SHISA9: variants seen among roughly 807,000 people sequenced by gnomAD.
SHISA9 encodes protein shisa-9.
SHISA9 carries 13 observed loss-of-function variants against 38.0 expected under a neutral mutation model. The observed-to-expected ratio is 0.34, with a 90% confidence interval of 0.22 to 0.54. The LOEUF (loss-of-function observed/expected upper bound fraction) is 0.54, where lower values mean the gene tolerates loss of function less well. SHISA9 is among the 20% of genes least tolerant of loss of function. SHISA9 has a pLI of 0.91. For missense variants in SHISA9, 538 were observed against 575.8 expected, an observed-to-expected ratio of 0.93 and a Z score of 0.67; for synonymous variants, 275 against 242.0, an observed-to-expected ratio of 1.14 and a Z score of -1.27.
chr16:13,060,736 G>A (rs988919188), intron 2 of SHISA9, among the ~76,000 whole-genome samples: 4 of 151,628 alleles, frequency 2.6e-5, no homozygotes, highest in African/African-American at 4.9e-5. Context: ...GAAGAGCCAC[G>A]AGCCTCTGGT....
the SHISA9 span, among the ~76,000 whole-genome samples, chr16:13,344,244 G>GTGAGGT: frequency 2.0e-5 from 3 of 152,224 alleles, no homozygotes. Context: ...GAGGGTGAGG[G>GTGAGGT]TGGAGAGTGA....
the SHISA9 span, among the ~76,000 whole-genome samples, chr16:13,327,490 C>G: frequency 6.6e-6 from 1 of 151,960 alleles, no homozygotes; most frequent in Non-Finnish European, 1.5e-5. Flanking sequence ...GTGTTGTGCA[C>G]CTGTAATCCC....
At chr16:13,106,515 A>C (rs1024713509) in intron 2 of SHISA9, among the ~76,000 whole-genome samples, 1 of 152,132 alleles carries the variant, frequency 6.6e-6, no homozygotes, top group Non-Finnish European at 1.5e-5. Flanking sequence ...TGCATACCAG[A>C]TGTGGTACAC....
chr16:13,290,712 T>C, the SHISA9 span, among the ~76,000 whole-genome samples: 1 of 152,124 alleles, frequency 6.6e-6, no homozygotes, highest in African/African-American at 2.4e-5. Context: ...GTAAAATCCT[T>C]GGGCTCCTAC....
chr16:13,328,623 CACACACACACACATAT>C, the SHISA9 span, among the ~76,000 whole-genome samples: 3 of 124,298 alleles, frequency 2.4e-5, no homozygotes, highest in South Asian at 3.3e-4. Flanking sequence ...CACACACACA[CACACACACACACATAT>C]ATATTGTATT....
At chr16:13,520,997 A>G in the SHISA9 span, among the ~76,000 whole-genome samples, 2 of 152,212 alleles carry the variant, frequency 1.3e-5, no homozygotes, top group Admixed American at 6.5e-5. Flanking sequence ...GAGAACACTC[A>G]GAATACACTC....
rs566731667 is a variant in SHISA9 at position 13,116,044 on chromosome 16, C to A, written c.692-87350C>A. On this transcript the variant is annotated intron_variant, in intron 2 of 4. Transcript: ENST00000558583. The stretch of plus-strand genomic sequence containing the variant: ...AATTCTTCATTCTGCCTTATGATTG[C>A]GATTATATCTGTAGTGTTATCCATG... 2.0e-5 allele frequency among the ~76,000 whole-genome samples: 3 copies of A among 152,244 alleles called. No individual in the cohort carries two copies. The East Asian group carries it at 5.8e-4, about 29-fold the overall frequency.
chr16:13,157,638 T>C (rs1322208447), intron 2 of SHISA9, among the ~76,000 whole-genome samples: 1 of 152,220 alleles, frequency 6.6e-6, no homozygotes, highest in Non-Finnish European at 1.5e-5. Flanking sequence ...CAGGCAGACC[T>C]GGGCAGCTAG....
At chr16:12,904,177 T>C (rs2071062274) in intron 1 of SHISA9, among the ~76,000 whole-genome samples, 1 of 152,050 alleles carries the variant, frequency 6.6e-6, no homozygotes, top group Non-Finnish European at 1.5e-5. Flanking sequence ...CCCTGTTAAT[T>C]CCCCGGGTCT....
At chr16:13,042,984 G>C (rs1368789657) in intron 2 of SHISA9, among the ~76,000 whole-genome samples, 2 of 152,108 alleles carry the variant, frequency 1.3e-5, no homozygotes, top group South Asian at 2.1e-4. Context: ...GATAAACCCT[G>C]GAGTTTCAGG....
chr16:13,218,197 G>A (rs1402460602), intron 4 of SHISA9, among the ~76,000 whole-genome samples: 1 of 152,198 alleles, frequency 6.6e-6, no homozygotes, highest in Non-Finnish European at 1.5e-5. Context: ...TCAAAGAGGG[G>A]CTTGAGGACT....
At chr16:13,126,485 G>A (rs891317423) in intron 2 of SHISA9, among the ~76,000 whole-genome samples, 1 of 149,894 alleles carries the variant, frequency 6.7e-6, no homozygotes, top group African/African-American at 2.5e-5. Context: ...AAGGAAGGAT[G>A]AGAGAGAAAG....
chr16:12,947,491 C>T (rs12447911), intron 2 of SHISA9, among the ~76,000 whole-genome samples: 3,353 of 152,264 alleles, frequency 0.022, 38 homozygotes, highest in African/African-American at 0.029. Flanking sequence ...GTAAAGCACA[C>T]GCTTTGCCTT....
chr16:12,920,000 G>A (rs1255751972), intron 2 of SHISA9, among the ~76,000 whole-genome samples: 2 of 152,298 alleles, frequency 1.3e-5, no homozygotes, highest in East Asian at 3.9e-4. Context: ...TTCCCTGACT[G>A]CCAGTGACAC....
intron 2 of SHISA9, among the ~76,000 whole-genome samples, chr16:13,156,304 G>A (rs2050546223): frequency 6.6e-6 from 1 of 152,180 alleles, no homozygotes; most frequent in Non-Finnish European, 1.5e-5. Context: ...GGTGGTACTT[G>A]CCAGCATGCT....
intron 2 of SHISA9, among the ~76,000 whole-genome samples, chr16:13,097,599 T>A (rs900382371): frequency 3.3e-5 from 5 of 152,170 alleles, no homozygotes; most frequent in African/African-American, 1.2e-4. Flanking sequence ...AGATGGGGTC[T>A]TACTATGTTA....
the SHISA9 span, among the ~76,000 whole-genome samples, chr16:13,359,963 G>C: frequency 1.3e-5 from 2 of 152,214 alleles, no homozygotes; most frequent in Non-Finnish European, 2.9e-5. Context: ...AGTTTCATCT[G>C]TGCATGCCCC....
At chr16:13,131,008 GT>G (rs943180909) in intron 2 of SHISA9, among the ~76,000 whole-genome samples, 1 of 152,158 alleles carries the variant, frequency 6.6e-6, no homozygotes, top group African/African-American at 2.4e-5. Context: ...CTTTTACACT[GT>G]TGTGGGAATG....
chr16:13,044,796 G>C (rs2073168384), intron 2 of SHISA9, among the ~76,000 whole-genome samples: 1 of 152,152 alleles, frequency 6.6e-6, no homozygotes. Context: ...GATGAATCTT[G>C]GATGGTAGCT....
Sources: allele counts gnomAD v4.1 joint callset (sites outside exome capture counted in the v4.1 genomes callset), GRCh38; gene constraint gnomAD v4.1.1; transcripts MANE v1.5; gene names NCBI Gene and HGNC (gene_info 2026-07-23, HGNC 2026-07-21).